TEX15: variants seen among roughly 807,000 people sequenced by gnomAD.
TEX15 encodes testis expressed 15, meiosis and synapsis associated.
TEX15 carries 171 observed loss-of-function variants against 237.3 expected under a neutral mutation model. The ratio of observed to expected loss-of-function variants is 0.72; its 90% CI spans 0.64 to 0.82. The LOEUF (loss-of-function observed/expected upper bound fraction) is 0.82, where lower values mean the gene tolerates loss of function less well. Ranked by LOEUF, TEX15 falls within the 40% of genes least tolerant of loss-of-function variation. The probability of loss-of-function intolerance (pLI) is 0.00; values close to 1 mark genes in which losing one functional copy is unlikely to be tolerated. For synonymous variants in TEX15, 1,338 were observed against 1,269.8 expected (o/e 1.05, Z -1.14); for missense variants, 3,750 against 3,646.5 (o/e 1.03, Z -0.73).
chr8:30,836,738 T>A, intron 10 of TEX15, 65 bp downstream of exon 10: 2 of 1,378,100 alleles, frequency 1.5e-6, no homozygotes, highest in Non-Finnish European at 2.0e-6. Flanking sequence ...TGAATTTCAC[T>A]TACATAAATG....
intron 10 of TEX15, among the ~76,000 whole-genome samples, chr8:30,834,573 G>A (rs928863717): frequency 1.3e-5 from 2 of 152,210 alleles, no homozygotes; most frequent in African/African-American, 4.8e-5. Context: ...GAAAGATACA[G>A]AGATTATTAC....
chr8:30,841,820 T>C (rs1472947302), intron 8 of TEX15, among the ~76,000 whole-genome samples, 184 bp downstream of exon 8: 1 of 152,230 alleles, frequency 6.6e-6, no homozygotes, highest in Non-Finnish European at 1.5e-5. Flanking sequence ...CCTATACATA[T>C]AATTTATGTA....
chr8:30,875,355 G>T (rs953845836), intron 3 of TEX15, among the ~76,000 whole-genome samples: 2 of 152,144 alleles, frequency 1.3e-5, no homozygotes, highest in Non-Finnish European at 2.9e-5. Flanking sequence ...ATACAGATAT[G>T]ACAGTCCCAG....
Position 30,847,760 on chromosome 8 carries a change from G to A in TEX15, c.2407C>T (p.His803Tyr), listed in dbSNP as rs375312942. Reference sequence around the variant, plus strand: ...TCATTTTTCCTATGGACACATATATGTTCTCTAGTTATGCTGCAATTTGAA... The same window carrying A: ...TCATTTTTCCTATGGACACATATATATTCTCTAGTTATGCTGCAATTTGAA... ...DSSNCSITRE[H>Y]ICVHRKNENE... Residue 803 changes from histidine to tyrosine, a missense_variant, in exon 8 of 11, where the codon CAT becomes TAT. Transcript: ENST00000643185. 2.4e-5 allele frequency: 39 copies of A among 1,613,450 alleles called. No individual in the cohort carries two copies. The highest frequency in any genetic ancestry group is 3.2e-5 in the Non-Finnish European group (38 of 1,179,890).
chr8:30,841,410 CCTTAT>C (rs1807449861), intron 8 of TEX15, among the ~76,000 whole-genome samples: 1 of 152,112 alleles, frequency 6.6e-6, no homozygotes, highest in Admixed American at 6.5e-5. Flanking sequence ...GTCCCACTTT[CCTTAT>C]CTTGAAGTAA....
rs1339523986 is a variant in TEX15, at chr8:30,849,220, T to C, written c.947A>G (p.Asp316Gly). 6.5e-7 allele frequency: 1 copy of C among 1,536,332 alleles called. No homozygotes were observed. The highest frequency in any genetic ancestry group is 8.7e-7 in the Non-Finnish European group (1 of 1,146,866). Residue 316 changes from aspartate to glycine, a missense_variant, in exon 8 of 11, where the codon GAT becomes GGT. Coordinates refer to ENST00000643185, the MANE Select transcript of TEX15 (RefSeq NM_001350162.2). ...VTFVHFKKPV[D>G]PFVQENCLCN... ...TAAACAGTTTTCTTGAACAAATGGA[T>C]CTACAGGTTTCTTGAAATGCACAAA...
chr8:30,887,893 T>TATATTTC lies in TEX15; in HGVS notation c.-9-583_-9-582insGAAATAT, dbSNP rs1241202540. 1.4e-4 allele frequency: 3 copies of TATATTTC among 21,626 alleles called. No individual in the cohort carries two copies. The East Asian group carries it at 2.2e-3, about 16-fold the overall frequency. 1.3% of individuals were successfully genotyped at this position (21,626 alleles called of 1,614,324 possible). On this transcript the variant is annotated intron_variant, in intron 2 of 10. Transcript: ENST00000643185. Reference sequence around the variant, plus strand: ...ATATATTTCACATATATATTTCATATATATATATATATATATATATATATA... The same window carrying TATATTTC: ...ATATATTTCACATATATATTTCATATATATTTCATATATATATATATATATATATATA...
At chr8:30,852,465 TCA>T (rs1807810711) in intron 7 of TEX15, among the ~76,000 whole-genome samples, 1 of 152,192 alleles carries the variant, frequency 6.6e-6, no homozygotes, top group Non-Finnish European at 1.5e-5. Flanking sequence ...TTGCTCAGAA[TCA>T]CACAGTTTAT....
At position 30,844,495 on chromosome 8, in the gene TEX15, G is replaced by C. The variant is rs764526627; in HGVS notation, c.5672C>G (p.Thr1891Arg). 4 of 1,613,096 alleles carry C rather than the reference G, an allele frequency of 2.5e-6. No individual in the cohort carries two copies. The South Asian group carries it at 3.3e-5, about 13-fold the overall frequency. Residue 1891 changes from threonine (T) to arginine (R), a missense_variant, in exon 8 of 11, where the codon ACA (threonine) becomes AGA (arginine). Physicochemically the swap from Thr to Arg is moderately conservative, Grantham distance 71. Transcript: ENST00000643185. ...CAGATGGGAATCAATCAAGTTAGTT[G>C]TAATAATTTTCTCATTTAAGCAGGA... ...EESCLNEKIITTNLIDSHLST... is the reference protein window; with the variant it reads ...EESCLNEKIIRTNLIDSHLST...
intron 1 of TEX15, among the ~76,000 whole-genome samples, chr8:30,909,961 C>T (rs1809185951): frequency 6.6e-6 from 1 of 152,082 alleles, no homozygotes; most frequent in South Asian, 2.1e-4. Flanking sequence ...CATGTAGGCA[C>T]TTCAAATCCC....
At position 30,846,114 on chromosome 8, in the gene TEX15, T is replaced by C. The variant is rs145741352; in HGVS notation, c.4053A>G (p.Ser1351=). The part of the protein sequence containing the change: ...SLSQGRIKTF[S]QSEKHIKSVL... ...CACTCTTAATGTGCTTTTCTGACTG[T>C]GAAAATGTTTTAATTCGTCCTTGGG... The change falls in exon 8 of 11, where the codon TCA becomes TCG. Residue 1351 remains serine (S), a synonymous_variant. Transcript: ENST00000643185. The C allele has an allele frequency of 4.3e-6, 7 of 1,613,592 alleles. No individual in the cohort carries two copies. The South Asian group carries it at 5.5e-5, about 13-fold the overall frequency.
Position 30,843,709 on chromosome 8 carries a change from A to C in TEX15, c.6458T>G (p.Leu2153Arg), listed in dbSNP as rs1196286207. Residue 2153 changes from leucine (L) to arginine (R), a missense_variant, in exon 8 of 11, where the codon CTT becomes CGT. Physicochemically the swap from Leu to Arg is moderately radical, Grantham distance 102. Coordinates refer to ENST00000643185, the MANE Select transcript of TEX15 (RefSeq NM_001350162.2). The part of the protein sequence containing the change: ...QTYHDQLVEL[L>R]EETKREKNSY... ...ATTCTTTTCCCTTTTTGTTTCTTCAAGCAATTCAACTAATTGATCATGGTA... is the reference window on the plus strand; with the variant it reads ...ATTCTTTTCCCTTTTTGTTTCTTCACGCAATTCAACTAATTGATCATGGTA... 1 of 1,612,512 alleles carries C rather than the reference A, an allele frequency of 6.2e-7. No homozygotes were observed. The highest frequency in any genetic ancestry group is 1.3e-5 in the African/African-American group (1 of 74,828).
At chr8:30,902,314 C>A (rs1809024786) in intron 1 of TEX15, among the ~76,000 whole-genome samples, 1 of 150,318 alleles carries the variant, frequency 6.7e-6, no homozygotes, top group Admixed American at 6.6e-5. Flanking sequence ...GGGAACTTCA[C>A]TTTCAGGCTT....
chr8:30,890,292 A>C (rs2128776852), intron 2 of TEX15, among the ~76,000 whole-genome samples: 1 of 152,270 alleles, frequency 6.6e-6, no homozygotes, highest in African/African-American at 2.4e-5. Flanking sequence ...GATATTAGAC[A>C]AAATAATTCT....
intron 1 of TEX15, among the ~76,000 whole-genome samples, chr8:30,902,012 C>T (rs1250334025): frequency 2.0e-5 from 3 of 152,154 alleles, no homozygotes; most frequent in Non-Finnish European, 4.4e-5. Flanking sequence ...CCTAGATCAG[C>T]AGCATCAGCA....
chr8:30,833,012 T>C lies in TEX15; in HGVS notation c.*274A>G. On this transcript the variant is annotated 3_prime_UTR_variant, in exon 11 of 11. Coordinates refer to ENST00000643185, the MANE Select transcript of TEX15 (RefSeq NM_001350162.2). ...TATTGAAACATATCAGAAGCAAGAA[T>C]CTAGTTTTAAAGATTTTACCACTAT... 3.8e-6 allele frequency: 1 copy of C among 263,474 alleles called. No homozygotes were observed. Among genetic ancestry groups the C allele is most frequent in the Non-Finnish European group, 7.1e-6 (1 of 140,366 alleles). The allele number at this position is 263,474 out of a possible 1,614,324, so 16.3% of individuals were successfully genotyped here. A position where few individuals can be genotyped will look rare whatever the true frequency, so the allele number is the denominator to read the frequency against.
rs750328735 is a variant in TEX15, at chr8:30,845,817, T to C, written c.4350A>G (p.Arg1450=). ...YYSTKHFSSK[R]KYDKRRKKRA... ...TTTTCTTTCTCCGTTTGTCATATTT[T>C]CTTTTTGACGAAAAATGCTTAGTAG... Residue 1450 remains arginine (R), a synonymous_variant, in exon 8 of 11, where the codon AGA becomes AGG. Coordinates refer to ENST00000643185, the MANE Select transcript of TEX15 (RefSeq NM_001350162.2). 2.5e-6 allele frequency: 4 copies of C among 1,608,754 alleles called. No individual in the cohort carries two copies. In the East Asian group the frequency reaches 6.7e-5, roughly 27 times the overall value.
rs1447009302 is a variant in TEX15, at chr8:30,843,526, CT to C, written c.6640del (p.Ser2214ValfsTer3). 1.2e-6 allele frequency: 2 copies of C among 1,613,058 alleles called. No individual in the cohort carries two copies. Among genetic ancestry groups the C allele is most frequent in the South Asian group, 2.2e-5 (2 of 91,006 alleles). On this transcript the variant is annotated frameshift_variant, in exon 8 of 11. Transcript: ENST00000643185. LOFTEE classifies it high-confidence loss of function. ...SLEDLEILRK[S>X]TLKLINVCGD... Reference sequence around the variant, plus strand: ...ACATACATTGATCAACTTTAAAGTACTTTTTCTTAAGATTTCCAGGTCTTCT... The same window carrying C: ...ACATACATTGATCAACTTTAAAGTACTTTTCTTAAGATTTCCAGGTCTTCT...
At chr8:30,836,319 T>A (rs1426904748) in intron 10 of TEX15, among the ~76,000 whole-genome samples, 1 of 144,402 alleles carries the variant, frequency 6.9e-6, no homozygotes, top group African/African-American at 2.6e-5. Context: ...GTTCAAGCGA[T>A]TCTCTTTCCT....
Sources: gnomAD v4.1 joint callset for allele counts (sites outside exome capture counted in the v4.1 genomes callset) on GRCh38, gnomAD v4.1.1 for gene constraint, MANE v1.5 for transcripts, NCBI Gene and HGNC (gene_info 2026-07-23, HGNC 2026-07-21) for gene names.